The following CR1 variants were observed in gnomAD, a reference collection of about 807,000 sequenced individuals.
The protein encoded by CR1 is complement C3b/C4b receptor 1 (Knops blood group), also known as complement receptor type 1.
A neutral mutation model predicts 187.3 loss-of-function variants in CR1; 116 were observed. The ratio of observed to expected loss-of-function variants is 0.62; its 90% CI spans 0.53 to 0.72. The LOEUF (loss-of-function observed/expected upper bound fraction) is 0.72, where lower values mean the gene tolerates loss of function less well. Among genes scored for constraint, CR1 ranks in the 30% least tolerant of loss-of-function variants. CR1 has a pLI of 0.00. For missense variants in CR1, 1,731 were observed against 2,110.7 expected (o/e 0.82, Z 3.52); for synonymous variants, 576 against 747.1 (o/e 0.77, Z 3.73).
At chr1:207,502,321 T>C (rs1314968845) in intron 1 of CR1, among the ~76,000 whole-genome samples, 1 of 152,056 alleles carries the variant, frequency 6.6e-6, no homozygotes, top group Non-Finnish European at 1.5e-5. Context: ...GACTAGAAAT[T>C]ATTATAGGGT....
chr1:207,607,272 A>G lies in CR1; in HGVS notation c.5832A>G (p.Pro1944=). 2 of 1,613,606 alleles carry G rather than the reference A, an allele frequency of 1.2e-6. No individual in the cohort carries two copies. Among genetic ancestry groups the G allele is most frequent in the Non-Finnish European group, 1.7e-6 (2 of 1,179,534 alleles). The change falls in exon 36 of 47, where the codon CCA becomes CCG. Residue 1944 remains proline, a synonymous_variant. Transcript: ENST00000367049. ...TTAGGTTTCGACTCATTGGTTCCCC[A>G]TCTACTACTTGTCTCGTCTCAGGCA... The part of the protein sequence containing the change: ...CNEGFRLIGS[P]STTCLVSGNN...
At chr1:207,584,225 T>C (rs374723238) in intron 32 of CR1, among the ~76,000 whole-genome samples, 2 of 152,296 alleles carry the variant, frequency 1.3e-5, no homozygotes, top group Middle Eastern at 3.4e-3. Flanking sequence ...GAAAGATGTC[T>C]CTAGGATGAA....
chr1:207,510,746 T>TTCCTTCCTTCCTACCTTCC (rs1199161799), intron 3 of CR1, among the ~76,000 whole-genome samples: 1 of 148,450 alleles, frequency 6.7e-6, no homozygotes, highest in Admixed American at 6.7e-5. Flanking sequence ...TCCTTCCTTC[T>TTCCTTCCTTCCTACCTTCC]TTCCTTCCTT....
intron 35 of CR1, 109 bp from the exon 36 acceptor site, chr1:207,607,142 G>A (rs1661775715): frequency 2.5e-6 from 2 of 803,984 alleles, no homozygotes; most frequent in East Asian, 5.0e-5. Context: ...GGTCTGCCAT[G>A]GTGTAATCTG....
At chr1:207,580,820 T>C (rs1430174893) in intron 31 of CR1, among the ~76,000 whole-genome samples, 2 of 152,086 alleles carry the variant, frequency 1.3e-5, no homozygotes, top group Non-Finnish European at 2.9e-5. Flanking sequence ...CGCATATAAC[T>C]GAGTGTCAAG....
intron 35 of CR1, among the ~76,000 whole-genome samples, chr1:207,603,403 G>A (rs757948000): frequency 2.0e-5 from 3 of 152,040 alleles, no homozygotes; most frequent in South Asian, 2.1e-4. Context: ...GATGTCCCAC[G>A]TCTGTAAAAT....
chr1:207,578,192 G>T lies in CR1; in HGVS notation c.4925G>T (p.Ser1642Ile), dbSNP rs1660825619. The T allele has an allele frequency of 1.2e-6, 2 of 1,611,886 alleles. No individual in the cohort carries two copies. The highest frequency in any genetic ancestry group is 1.7e-5 in the Admixed American group (1 of 60,026). The stretch of plus-strand genomic sequence containing the variant: ...AACAAATGGGAGCCAGAGTTACCAA[G>T]CTGCTCCAGGGGTGAGTCTGACTGA... ...ALNKWEPELP[S>I]CSRVCQPPPE... The change falls in exon 29 of 47, where the codon AGC (serine) becomes ATC (isoleucine). Residue 1642 changes from serine to isoleucine, a missense_variant. Coordinates refer to ENST00000367049, the MANE Select transcript of CR1 (RefSeq NM_000651.6).
intron 4 of CR1, among the ~76,000 whole-genome samples, chr1:207,520,032 T>G (rs1343337230): frequency 1.3e-5 from 2 of 152,262 alleles, no homozygotes; most frequent in Admixed American, 6.5e-5. Context: ...TTTACATATA[T>G]TCTATATTTC....
At chr1:207,544,556 A>G (rs1266139886) in intron 13 of CR1, among the ~76,000 whole-genome samples, 1 of 72,568 alleles carries the variant, frequency 1.4e-5, no homozygotes, top group African/African-American at 6.3e-5. Flanking sequence ...TTTATTTGAG[A>G]TCCAAATGTG....
chr1:207,625,460 T>A (rs551526813), intron 45 of CR1, among the ~76,000 whole-genome samples: 2 of 152,400 alleles, frequency 1.3e-5, no homozygotes, highest in African/African-American at 2.4e-5. Context: ...TCTAAACTTT[T>A]ACTTTTGACC....
chr1:207,634,900 G>T (rs896524131), intron 46 of CR1, among the ~76,000 whole-genome samples: 5 of 152,160 alleles, frequency 3.3e-5, no homozygotes, highest in African/African-American at 1.2e-4. Context: ...TGACCTGTAC[G>T]TTTTCTAGAA....
intron 4 of CR1, among the ~76,000 whole-genome samples, chr1:207,522,943 A>T (rs1194523146): frequency 6.6e-6 from 1 of 152,216 alleles, no homozygotes; most frequent in Non-Finnish European, 1.5e-5. Flanking sequence ...GATCACTTTT[A>T]CACAGATATC....
At position 207,523,666 on chromosome 1, in the gene CR1, C is replaced by T. The variant is rs190246914; in HGVS notation, c.543C>T (p.Asn181=). 1,503 of 1,613,910 alleles carry T rather than the reference C, an allele frequency of 9.3e-4. 16 individuals are homozygous for T. The highest frequency in any genetic ancestry group is 4.7e-5 in the Non-Finnish European group (56 of 1,179,896). The stretch of plus-strand genomic sequence containing the variant: ...CCAATGGAGATTTCATTAGCACCAA[C>T]AGAGAGAATTTTCACTATGGATCAG... ...TITNGDFIST[N]RENFHYGSVV... The change falls in exon 5 of 47, where the codon AAC becomes AAT. Residue 181 remains asparagine, a synonymous_variant. Transcript: ENST00000367049.
chr1:207,627,017 A>C (rs1662498874), intron 45 of CR1, among the ~76,000 whole-genome samples: 1 of 152,186 alleles, frequency 6.6e-6, no homozygotes, highest in Non-Finnish European at 1.5e-5. Context: ...CAGCCTGGGC[A>C]ACAAAGGCAA....
At chr1:207,522,281 C>T (rs554478188) in intron 4 of CR1, among the ~76,000 whole-genome samples, 1 of 152,256 alleles carries the variant, frequency 6.6e-6, no homozygotes, top group South Asian at 2.1e-4. Flanking sequence ...CCAGGGCCAC[C>T]CACAGTACCA....
At chr1:207,502,430 G>T (rs987520070) in intron 1 of CR1, among the ~76,000 whole-genome samples, 2 of 152,180 alleles carry the variant, frequency 1.3e-5, no homozygotes, top group African/African-American at 2.4e-5. Context: ...CCATAGGCAG[G>T]CTGGGGAAGG....
Position 207,598,812 on chromosome 1 carries a change from CAA to C in CR1, c.5811-8437_5811-8436del, listed in dbSNP as rs1174112612. ...TATAGAAGAGCTCATTCAGCTGTTT[CAA>C]AGACAGAGCTCTGTAACACATGTAC... is the stretch of plus-strand genomic sequence containing the variant. On this transcript the variant is annotated intron_variant, in intron 35 of 46. Coordinates refer to ENST00000367049, the MANE Select transcript of CR1 (RefSeq NM_000651.6). 3.3e-5 allele frequency: 5 copies of C among 152,368 alleles called. No individual in the cohort carries two copies. In the East Asian group the frequency reaches 9.6e-4, roughly 29 times the overall value. 9.4% of individuals were successfully genotyped at this position (152,368 alleles called of 1,614,324 possible). A position where few individuals can be genotyped will look rare whatever the true frequency, so the allele number is the denominator to read the frequency against.
At chr1:207,622,806 T>G (rs1662351522) in intron 44 of CR1, among the ~76,000 whole-genome samples, 187 bp from the exon 45 acceptor site, 1 of 152,134 alleles carries the variant, frequency 6.6e-6, no homozygotes, top group South Asian at 2.1e-4. Context: ...AGCTCACACC[T>G]TAACTTTAAT....
intron 1 of CR1, among the ~76,000 whole-genome samples, chr1:207,502,351 T>C (rs1224301382): frequency 6.6e-6 from 1 of 152,202 alleles, no homozygotes; most frequent in Non-Finnish European, 1.5e-5. Flanking sequence ...GGAAGTAGTT[T>C]AGATTCCAAA....
Sources: allele counts gnomAD v4.1 joint callset (sites outside exome capture counted in the v4.1 genomes callset), GRCh38; gene constraint gnomAD v4.1.1; transcripts MANE v1.5; gene names NCBI Gene and HGNC (gene_info 2026-07-23, HGNC 2026-07-21).